The following NUCB2 variants were observed in gnomAD, a reference collection of about 807,000 sequenced individuals.
NUCB2 encodes nucleobindin 2, also known as nucleobindin-2.
In NUCB2, 48 loss-of-function variants were observed where a neutral mutation model predicts 57.9. That is an observed-to-expected ratio of 0.83 (90% CI 0.66 to 1.05). The LOEUF (loss-of-function observed/expected upper bound fraction) is 1.05. NUCB2 is among the 50% of genes least tolerant of loss of function. NUCB2 has a pLI of 0.00. For missense variants in NUCB2, 442 were observed against 476.2 expected (o/e 0.93, Z 0.67); for synonymous variants, 139 against 152.1 (o/e 0.91, Z 0.64).
chr11:17,343,120 A>G (rs989120225), intron 2 of NUCB2, among the ~76,000 whole-genome samples: 106 of 151,908 alleles, frequency 7.0e-4, no homozygotes, highest in African/African-American at 2.4e-3. Flanking sequence ...GTTTTATCAG[A>G]GACTAGGATT....
intron 5 of NUCB2, among the ~76,000 whole-genome samples, chr11:17,302,718 T>C (rs1386266318): frequency 6.7e-6 from 1 of 149,640 alleles, no homozygotes; most frequent in African/African-American, 2.5e-5. Context: ...AGTGCAGGCA[T>C]GCACCACCAT....
At chr11:17,288,260 A>G (rs1249836377) in intron 2 of NUCB2, among the ~76,000 whole-genome samples, 3 of 152,224 alleles carry the variant, frequency 2.0e-5, no homozygotes, top group Non-Finnish European at 2.9e-5. Context: ...ATTGTAAGTG[A>G]AAAAGCACGG....
In NUCB2 at chr11:17,300,967, C is replaced by CTTTT. The variant is rs71047541; in HGVS notation, c.253-758_253-755dup. On this transcript the variant is annotated intron_variant, in intron 4 of 13. Transcript: ENST00000529010. Reference sequence around the variant, plus strand: ...CCTTGATTTTAGAGTTAAAGCTAATCTTTTTTTTTTTTTTTTTTTTTTGAG... The same window carrying CTTTT: ...CCTTGATTTTAGAGTTAAAGCTAATCTTTTTTTTTTTTTTTTTTTTTTTTTTGAG... 1.5e-3 allele frequency among the ~76,000 whole-genome samples: 123 copies of CTTTT among 84,396 alleles called. 1 individual carries two copies. Among genetic ancestry groups the CTTTT allele is most frequent in the East Asian group, 1.9e-3 (6 of 3,226 alleles). The allele number at this position is 84,396 out of a possible 152,430, so 55.4% of individuals were successfully genotyped here. A position where few individuals can be genotyped will look rare whatever the true frequency, so the allele number is the denominator to read the frequency against.
intron 4 of NUCB2, among the ~76,000 whole-genome samples, chr11:17,299,887 G>T (rs752145608): frequency 1.3e-5 from 2 of 151,680 alleles, no homozygotes; most frequent in Non-Finnish European, 2.9e-5. Flanking sequence ...CTGGGTGACA[G>T]ACTGGACCCT....
At position 17,301,713 on chromosome 11, in the gene NUCB2, G is replaced by A. The variant is rs370783518; in HGVS notation, c.253-31G>A. ...ATTTGTCTAAAAATGGAATGTAATA[G>A]ATAAAACTAACTTACTAATTTTGTT... On this transcript the variant is annotated intron_variant, in intron 4 of 13. Transcript: ENST00000529010. The A allele has an allele frequency of 8.3e-6, 13 of 1,570,238 alleles. No homozygotes were observed. In the African/African-American group the frequency reaches 1.8e-4, roughly 21 times the overall value.
chr11:17,311,927 A>G lies in NUCB2; in HGVS notation c.816A>G (p.Lys272=). ...AAGAATTAGAAGCCCTATTTACTAA[A>G]GAGGTAAAGGAGTTTATTAAGTATT... ...DEQELEALFT[K]ELEKVYDPKN... is the part of the protein sequence containing the mutation. The change falls in exon 9 of 14, where the codon AAA becomes AAG. Residue 272 remains lysine, a synonymous_variant. Transcript: ENST00000529010. The G allele has an allele frequency of 1.3e-6, 2 of 1,589,514 alleles. No homozygotes were observed. The highest frequency in any genetic ancestry group is 1.7e-6 in the Non-Finnish European group (2 of 1,162,184).
chr11:17,340,311 C>G (rs1436793591), intron 2 of NUCB2, among the ~76,000 whole-genome samples: 1 of 152,190 alleles, frequency 6.6e-6, no homozygotes, highest in Admixed American at 6.5e-5. Context: ...CCTGTTCACT[C>G]TGATGGTAGT....
At chr11:17,292,604 C>G (rs1945124070) in intron 2 of NUCB2, among the ~76,000 whole-genome samples, 1 of 152,146 alleles carries the variant, frequency 6.6e-6, no homozygotes, top group Admixed American at 6.5e-5. Context: ...GGCCCAGGGA[C>G]CATACTTTTG....
At chr11:17,281,544 C>T (rs942848700) in intron 1 of NUCB2, among the ~76,000 whole-genome samples, 3 of 152,206 alleles carry the variant, frequency 2.0e-5, no homozygotes, top group African/African-American at 4.8e-5. Context: ...TTGTCATGCA[C>T]TGTGCTGGTT....
intron 2 of NUCB2, among the ~76,000 whole-genome samples, chr11:17,290,501 G>A (rs1329302590): frequency 6.6e-6 from 1 of 152,084 alleles, no homozygotes; most frequent in Non-Finnish European, 1.5e-5. Context: ...TTGAGCCCAA[G>A]AGTTTGAGAC....
downstream of NUCB2, chr11:17,333,379 A>C (rs902904646): frequency 2.0e-5 from 3 of 152,216 alleles, no homozygotes; most frequent in African/African-American, 7.2e-5. Context: ...GATCCGTAAC[A>C]GCTACAGTCT....
chr11:17,340,391 T>G (rs1292153524), intron 2 of NUCB2, among the ~76,000 whole-genome samples: 21 of 149,600 alleles, frequency 1.4e-4, no homozygotes, highest in Non-Finnish European at 1.9e-4. Context: ...TTGTTGCCAT[T>G]GCTTTTGGTG....
intron 11 of NUCB2, among the ~76,000 whole-genome samples, chr11:17,317,241 T>C (rs1447741295): frequency 6.6e-6 from 1 of 152,142 alleles, no homozygotes; most frequent in Non-Finnish European, 1.5e-5. Flanking sequence ...TTTTAATCTC[T>C]ATGTGTGTGT....
Position 17,313,010 on chromosome 11 carries a change from C to T in NUCB2, c.912+890C>T, listed in dbSNP as rs576752334. 1.8e-3 allele frequency among the ~76,000 whole-genome samples: 255 copies of T among 141,790 alleles called. 1 individual carries two copies. Among genetic ancestry groups the T allele is most frequent in the South Asian group, 4.0e-3 (18 of 4,492 alleles). 93.0% of individuals were successfully genotyped at this position (141,790 alleles called of 152,430 possible). On this transcript the variant is annotated intron_variant, in intron 10 of 13. Transcript: ENST00000529010. ...ACAGGCATGAGCCGCCGCACCAGGC[C>T]GATTTTTATTTTTTTTAAGAGACAG... is the stretch of plus-strand genomic sequence containing the variant.
intron 2 of NUCB2, among the ~76,000 whole-genome samples, chr11:17,346,659 T>C (rs1252273569): frequency 1.3e-5 from 2 of 152,206 alleles, no homozygotes; most frequent in Admixed American, 6.5e-5. Context: ...TAAATAATTT[T>C]AGCCTTACAA....
At chr11:17,278,964 G>T (rs921549374) in intron 1 of NUCB2, among the ~76,000 whole-genome samples, 1 of 152,076 alleles carries the variant, frequency 6.6e-6, no homozygotes, top group Non-Finnish European at 1.5e-5. Flanking sequence ...AGGCTGAGGC[G>T]GGTGGATCAC....
At chr11:17,345,530 A>G (rs887243531) in intron 2 of NUCB2, among the ~76,000 whole-genome samples, 2 of 152,166 alleles carry the variant, frequency 1.3e-5, no homozygotes, top group Non-Finnish European at 2.9e-5. Flanking sequence ...AAGATGGTGA[A>G]ACCCCATCTC....
At chr11:17,328,431 A>G (rs574028775) in intron 11 of NUCB2, among the ~76,000 whole-genome samples, 27 of 152,222 alleles carry the variant, frequency 1.8e-4, no homozygotes, top group Non-Finnish European at 3.8e-4. Context: ...GATGGTGTCT[A>G]GAAGCCAGGG....
intron 2 of NUCB2, among the ~76,000 whole-genome samples, chr11:17,345,393 A>T (rs917304164): frequency 6.6e-6 from 1 of 152,212 alleles, no homozygotes; most frequent in Non-Finnish European, 1.5e-5. Context: ...AAAAATTTTC[A>T]ATTTAAATGT....
Sources: allele counts gnomAD v4.1 joint callset (sites outside exome capture counted in the v4.1 genomes callset), GRCh38; gene constraint gnomAD v4.1.1; transcripts MANE v1.5; gene names NCBI Gene and HGNC (gene_info 2026-07-23, HGNC 2026-07-21).